EYA2: variants seen among roughly 807,000 people sequenced by gnomAD.
EYA2 encodes protein phosphatase EYA2.
Under a neutral mutation model 69.2 loss-of-function variants are expected in EYA2, and 31 were observed. The ratio of observed to expected loss-of-function variants is 0.45; its 90% CI spans 0.34 to 0.60. The LOEUF (loss-of-function observed/expected upper bound fraction) is 0.60. Ranked by LOEUF, EYA2 falls within the 20% of genes least tolerant of loss-of-function variation. The pLI is 0.02. For synonymous variants in EYA2, 257 were observed against 279.4 expected (o/e 0.92, Z 0.80); for missense variants, 622 against 701.2 (o/e 0.89, Z 1.28).
At chr20:47,044,288 C>T (rs1438962590) in intron 5 of EYA2, among the ~76,000 whole-genome samples, 1 of 150,746 alleles carries the variant, frequency 6.6e-6, no homozygotes, top group African/African-American at 2.5e-5. Flanking sequence ...CCACAGATAG[C>T]CCATGAACCC....
intron 10 of EYA2, among the ~76,000 whole-genome samples, chr20:47,166,572 G>A (rs182771199): frequency 5.9e-5 from 9 of 152,036 alleles, no homozygotes; most frequent in Admixed American, 2.6e-4. Context: ...AGAGTCCCAC[G>A]TGCTTCTCCT....
rs572756063 is a variant in EYA2, at chr20:47,005,586, TG to T, written c.298+505del. Among the ~76,000 whole-genome samples, 5 of 152,380 alleles carry T rather than the reference TG, an allele frequency of 3.3e-5. No individual in the cohort carries two copies. The South Asian group carries it at 1.0e-3, about 32-fold the overall frequency. ...CATATTGGCCCTCATTGGCCCAAGT[TG>T]GGCCATGTGGCAATGCTTATAGCAA... On this transcript the variant is annotated intron_variant, in intron 4 of 15. Coordinates refer to ENST00000327619, the MANE Select transcript of EYA2 (RefSeq NM_005244.5).
intron 7 of EYA2, among the ~76,000 whole-genome samples, chr20:47,075,489 C>T (rs984767720): frequency 2.6e-5 from 4 of 152,132 alleles, no homozygotes; most frequent in African/African-American, 7.2e-5. Flanking sequence ...ACCAGCACTC[C>T]TGCTATGCAC....
chr20:47,109,248 A>G (rs2032681457), intron 9 of EYA2, among the ~76,000 whole-genome samples: 1 of 152,186 alleles, frequency 6.6e-6, no homozygotes, highest in East Asian at 1.9e-4. Flanking sequence ...CCTATACACC[A>G]AGCACTCACT....
intron 9 of EYA2, among the ~76,000 whole-genome samples, chr20:47,100,103 ATATT>A (rs1228890744): frequency 6.6e-6 from 1 of 152,204 alleles, no homozygotes; most frequent in Non-Finnish European, 1.5e-5. Flanking sequence ...TGTCAAGTAA[ATATT>A]TGTTAAATGA....
chr20:47,134,841 C>T (rs145060827), intron 9 of EYA2, among the ~76,000 whole-genome samples: 41 of 152,228 alleles, frequency 2.7e-4, no homozygotes, highest in African/African-American at 9.1e-4. Context: ...CAAAAACAGA[C>T]AACGGGCCGG....
intron 8 of EYA2, among the ~76,000 whole-genome samples, chr20:47,090,236 T>TTG (rs2032036746): frequency 6.7e-6 from 1 of 150,090 alleles, no homozygotes; most frequent in East Asian, 2.0e-4. Context: ...AATCTTTTTT[T>TTG]TTTTTTTTTT....
At chr20:47,178,733 A>AT (rs2146667886) in intron 12 of EYA2, among the ~76,000 whole-genome samples, 1 of 130,176 alleles carries the variant, frequency 7.7e-6, no homozygotes, top group East Asian at 2.6e-4. Flanking sequence ...GCACTCCTGA[A>AT]TTTTTTGTTG....
At chr20:47,164,655 A>T (rs2034143983) in intron 10 of EYA2, among the ~76,000 whole-genome samples, 3 of 152,018 alleles carry the variant, frequency 2.0e-5, no homozygotes, top group Admixed American at 6.6e-5. Flanking sequence ...GAGGTCTCAG[A>T]CTCACATGCC....
intron 1 of EYA2, among the ~76,000 whole-genome samples, chr20:46,927,627 T>C (rs1168304327): frequency 2.0e-5 from 3 of 152,146 alleles, no homozygotes; most frequent in East Asian, 3.8e-4. Context: ...GTGAGACTTA[T>C]TCACTACCAC....
At chr20:47,127,381 AT>A (rs1005401801) in intron 9 of EYA2, among the ~76,000 whole-genome samples, 3 of 152,140 alleles carry the variant, frequency 2.0e-5, no homozygotes, top group African/African-American at 7.2e-5. Context: ...AGGCGAGAGG[AT>A]CACCTGAGGT....
intron 1 of EYA2, among the ~76,000 whole-genome samples, chr20:46,977,737 C>CT (rs1231938775): frequency 3.3e-5 from 5 of 152,132 alleles, no homozygotes; most frequent in Admixed American, 3.3e-4. Flanking sequence ...CTGAATTTGC[C>CT]TTATTTATCT....
At chr20:46,942,846 ACCT>A (rs906286228) in intron 1 of EYA2, among the ~76,000 whole-genome samples, 7 of 151,132 alleles carry the variant, frequency 4.6e-5, no homozygotes, top group Admixed American at 4.6e-4. Flanking sequence ...GCTCACTACA[ACCT>A]CCTCCTCCCC....
intron 9 of EYA2, among the ~76,000 whole-genome samples, chr20:47,112,802 G>T (rs1457501688): frequency 6.6e-6 from 1 of 150,796 alleles, no homozygotes; most frequent in African/African-American, 2.4e-5. Context: ...GAAGTTGAGG[G>T]ACTTGCCTGA....
chr20:47,066,269 C>G (rs1331502319), intron 5 of EYA2, among the ~76,000 whole-genome samples: 2 of 151,986 alleles, frequency 1.3e-5, no homozygotes, highest in Non-Finnish European at 2.9e-5. Flanking sequence ...GAGGTCAAGA[C>G]TGCAGTGAGC....
chr20:47,112,140 T>TCAAG (rs1412532087), intron 9 of EYA2, among the ~76,000 whole-genome samples: 1 of 151,958 alleles, frequency 6.6e-6, no homozygotes, highest in Admixed American at 6.6e-5. Flanking sequence ...GACCGCTGTC[T>TCAAG]CAAGCAAACA....
intron 1 of EYA2, among the ~76,000 whole-genome samples, chr20:46,969,466 G>C (rs1980007835): frequency 6.6e-6 from 1 of 152,180 alleles, no homozygotes; most frequent in African/African-American, 2.4e-5. Context: ...AAATCCCTTT[G>C]ATTAGCTATA....
intron 9 of EYA2, among the ~76,000 whole-genome samples, chr20:47,117,179 A>G (rs2032920687): frequency 6.6e-6 from 1 of 151,884 alleles, no homozygotes; most frequent in African/African-American, 2.4e-5. Flanking sequence ...CACCCAGCTA[A>G]TTTTTGTATT....
intron 10 of EYA2, among the ~76,000 whole-genome samples, chr20:47,153,247 C>A (rs1390957097): frequency 6.6e-6 from 1 of 151,944 alleles, no homozygotes; most frequent in Non-Finnish European, 1.5e-5. Flanking sequence ...TTTTCTTACT[C>A]GTGTTTTAGG....
Sources: gnomAD v4.1 joint callset for allele counts (sites outside exome capture counted in the v4.1 genomes callset) on GRCh38, gnomAD v4.1.1 for gene constraint, MANE v1.5 for transcripts, NCBI Gene and HGNC (gene_info 2026-07-23, HGNC 2026-07-21) for gene names.